TSC22D1: variants seen among roughly 807,000 people sequenced by gnomAD.
TSC22D1 encodes TSC22 domain family member 1.
Under a neutral mutation model 74.2 loss-of-function variants are expected in TSC22D1, and 9 were observed. The observed-to-expected ratio is 0.12, with a 90% CI of 0.07 to 0.21. TSC22D1 has a LOEUF of 0.21. TSC22D1 is among the 10% of genes least tolerant of loss of function. TSC22D1 has a pLI of 1.00. For synonymous variants in TSC22D1, 586 were observed against 492.5 expected (o/e 1.19, Z -2.51); for missense variants, 1,427 against 1,304.7 (o/e 1.09, Z -1.44).
At chr13:44,435,952 CA>C in intron 2 of TSC22D1, 91 bp downstream of exon 2, 1 of 1,262,920 alleles carries the variant, frequency 7.9e-7, no homozygotes, top group South Asian at 1.3e-5. Flanking sequence ...CAATCATCAT[CA>C]TCTGAACTTA....
chr13:44,545,753 G>A (rs1881784375), intron 1 of TSC22D1, among the ~76,000 whole-genome samples: 1 of 152,034 alleles, frequency 6.6e-6, no homozygotes, highest in Admixed American at 6.6e-5. Context: ...AAGGCGGGTG[G>A]ATCACTTGAG....
chr13:44,573,688 A>C lies in TSC22D1; in HGVS notation c.2387T>G (p.Leu796Trp). ...TTGTGGCTGGGGAGGCACAGTTAAC[A>C]AGGAACTTTGGGATGCAATAACCAA... The part of the protein sequence containing the change: ...QQLVIASQSS[L>W]LTVPPQPQGV... Residue 796 changes from leucine (L) to tryptophan (W), a missense_variant, in exon 1 of 3, where the codon TTG (leucine) becomes TGG (tryptophan). Physicochemically the swap from Leu to Trp is moderately conservative, Grantham distance 61. This residue lies in a region of TSC22D1 where 1,343 missense variants were observed against 1,191.5 expected (regional missense o/e 1.13). Coordinates refer to ENST00000458659, the MANE Select transcript of TSC22D1 (RefSeq NM_183422.4). 1.2e-6 allele frequency: 2 copies of C among 1,614,226 alleles called. No homozygotes were observed. The highest frequency in any genetic ancestry group is 1.7e-6 in the Non-Finnish European group (2 of 1,180,044).
chr13:44,561,053 C>T (rs747619841), intron 1 of TSC22D1, among the ~76,000 whole-genome samples: 130 of 152,164 alleles, frequency 8.5e-4, no homozygotes, highest in Middle Eastern at 3.4e-3. Context: ...CAAAAATACC[C>T]CCCGGGGCGT....
chr13:44,491,553 C>CAAA (rs1166772028), intron 1 of TSC22D1, among the ~76,000 whole-genome samples: 1 of 56,062 alleles, frequency 1.8e-5, no homozygotes, highest in South Asian at 6.1e-4. Flanking sequence ...GACTCCGTCT[C>CAAA]AAAAAAAAAA....
Position 44,521,472 on chromosome 13 carries a change from C to A in TSC22D1, c.2912+51691G>T, listed in dbSNP as rs190722937. The stretch of plus-strand genomic sequence containing the variant: ...GACTCCTCCCCTTCATCTCTCTTAC[C>A]CTTGCCCCCTCCACCCGGTCTTGAT... On this transcript the variant is annotated intron_variant, in intron 1 of 2. Coordinates refer to ENST00000458659, the MANE Select transcript of TSC22D1 (RefSeq NM_183422.4). Among the ~76,000 whole-genome samples the A allele has an allele frequency of 1.1e-4, 17 of 152,004 alleles. No individual in the cohort carries two copies. In the East Asian group the frequency reaches 3.3e-3, roughly 29 times the overall value.
intron 1 of TSC22D1, among the ~76,000 whole-genome samples, chr13:44,513,441 A>C (rs953565588): frequency 6.6e-6 from 1 of 152,204 alleles, no homozygotes; most frequent in Non-Finnish European, 1.5e-5. Flanking sequence ...GGTTTTTGTC[A>C]TGTATTTTCA....
chr13:44,433,844 G>C lies in TSC22D1; in HGVS notation c.*782C>G, dbSNP rs1440845572. On this transcript the variant is annotated 3_prime_UTR_variant, in exon 3 of 3. Transcript: ENST00000458659. ...TAGGTGTGGTTTTTGTCATGTAGCAGTTTTTATGTAGATCTATATATAAAA... is the reference window on the plus strand; with the variant it reads ...TAGGTGTGGTTTTTGTCATGTAGCACTTTTTATGTAGATCTATATATAAAA... 3.9e-6 allele frequency: 3 copies of C among 777,758 alleles called. No individual in the cohort carries two copies. Among genetic ancestry groups the C allele is most frequent in the African/African-American group, 3.7e-5 (2 of 54,200 alleles). 48.2% of individuals were successfully genotyped at this position (777,758 alleles called of 1,614,324 possible).
At chr13:44,465,652 C>T (rs1273570880) in intron 1 of TSC22D1, among the ~76,000 whole-genome samples, 1 of 152,140 alleles carries the variant, frequency 6.6e-6, no homozygotes, top group Admixed American at 6.5e-5. Flanking sequence ...ACAAAGCCCA[C>T]GACTGATATT....
Position 44,574,328 on chromosome 13 carries a change from T to C in TSC22D1, c.1747A>G (p.Asn583Asp), listed in dbSNP as rs1884027241. The change falls in exon 1 of 3, where the codon AAT (asparagine) becomes GAT (aspartate). Residue 583 changes from asparagine to aspartate, a missense_variant. Around this residue, in one of 3 missense-constraint regions of TSC22D1, gnomAD observed 1,343 missense variants for 1,191.5 expected, o/e 1.13. Transcript: ENST00000458659. ...AATGIQPSPV[N>D]VVGVTSALGQ... ...AAAGCTGAAGTTACACCAACCACAT[T>C]TACAGGCGATGGCTGGATACCAGTT... The C allele has an allele frequency of 1.2e-5, 19 of 1,614,238 alleles. 1 individual carries two copies. The East Asian group carries it at 4.2e-4, about 36-fold the overall frequency.
intron 1 of TSC22D1, chr13:44,538,700 A>T: frequency 1.0e-6 from 1 of 985,404 alleles, no homozygotes; most frequent in South Asian, 4.7e-5. Flanking sequence ...GTAATTCTTA[A>T]AAGTTTATAA....
At chr13:44,453,835 T>C (rs1263692030) in intron 1 of TSC22D1, among the ~76,000 whole-genome samples, 1 of 152,220 alleles carries the variant, frequency 6.6e-6, no homozygotes, top group African/African-American at 2.4e-5. Context: ...ATGTTTCTAA[T>C]AAGAAATGCT....
intron 1 of TSC22D1, among the ~76,000 whole-genome samples, chr13:44,551,389 GGTGTGTGTGT>G (rs376368576): frequency 8.8e-4 from 110 of 125,306 alleles, no homozygotes; most frequent in East Asian, 2.6e-3. Flanking sequence ...CAATCAGATG[GGTGTGTGTGT>G]GTGTGTGTGT....
At position 44,574,683 on chromosome 13, in the gene TSC22D1, G is replaced by T; in HGVS notation, c.1392C>A (p.Ser464Arg). 6.2e-7 allele frequency: 1 copy of T among 1,614,078 alleles called. No individual in the cohort carries two copies. The highest frequency in any genetic ancestry group is 1.1e-5 in the South Asian group (1 of 91,080). Residue 464 changes from serine to arginine, a missense_variant, in exon 1 of 3, where the codon AGC (serine) becomes AGA (arginine). Physicochemically the swap from Ser to Arg is moderately radical, Grantham distance 110. Around this residue, in one of 3 missense-constraint regions of TSC22D1, gnomAD observed 1,343 missense variants for 1,191.5 expected, o/e 1.13. Coordinates refer to ENST00000458659, the MANE Select transcript of TSC22D1 (RefSeq NM_183422.4). ...TACTGCTCACTGAACTCCCACTAGT[G>T]CTCTCCCTTTCAGAAGTCACTTCTA... ...NPIEVTSERE[S>R]TSGSSVSSSV...
intron 1 of TSC22D1, chr13:44,538,157 T>C (rs1202678262): frequency 1.0e-6 from 1 of 985,184 alleles, no homozygotes; most frequent in South Asian, 4.7e-5. Flanking sequence ...TTTGTGACAG[T>C]ACCAAACTTT....
rs568051833 is a variant in TSC22D1, at chr13:44,455,939, C to T, written c.2913-19844G>A. On this transcript the variant is annotated intron_variant, in intron 1 of 2. Transcript: ENST00000458659. ...TCATCAAGTTGAAACCTGAGCAAGC[C>T]GTAAAGAAAGTCCAAAGACCATTGA... Among the ~76,000 whole-genome samples the T allele has an allele frequency of 3.3e-5, 5 of 149,678 alleles. No homozygotes were observed. In the East Asian group the frequency reaches 5.8e-4, roughly 17 times the overall value.
chr13:44,435,045 G>C, intron 2 of TSC22D1, 162 bp from the exon 3 acceptor site: 1 of 644,156 alleles, frequency 1.6e-6, no homozygotes, highest in East Asian at 2.6e-5. Context: ...AAACATGACT[G>C]TACAATACTT....
intron 1 of TSC22D1, among the ~76,000 whole-genome samples, chr13:44,503,415 T>C (rs1169833520): frequency 6.6e-6 from 1 of 152,080 alleles, no homozygotes; most frequent in Non-Finnish European, 1.5e-5. Context: ...AATCTACACA[T>C]TGAGACTAAA....
chr13:44,469,601 G>C (rs1877483116), intron 1 of TSC22D1, among the ~76,000 whole-genome samples: 1 of 152,168 alleles, frequency 6.6e-6, no homozygotes, highest in African/African-American at 2.4e-5. Flanking sequence ...GGAGGGTGTA[G>C]ACTGTGTTTT....
Position 44,576,154 on chromosome 13 carries a change from A to G in TSC22D1, c.-80T>C. Reference sequence around the variant, plus strand: ...AATCTTTGTATTGGAGACGCCGGAGAGGAAAACGGGACCTGACGCTCCGCC... The same window carrying G: ...AATCTTTGTATTGGAGACGCCGGAGGGGAAAACGGGACCTGACGCTCCGCC... On this transcript the variant is annotated 5_prime_UTR_variant, in exon 1 of 3. Coordinates refer to ENST00000458659, the MANE Select transcript of TSC22D1 (RefSeq NM_183422.4). 1 of 1,396,916 alleles carries G rather than the reference A, an allele frequency of 7.2e-7. No homozygotes were observed. The highest frequency in any genetic ancestry group is 9.3e-7 in the Non-Finnish European group (1 of 1,077,982). 86.5% of individuals were successfully genotyped at this position (1,396,916 alleles called of 1,614,324 possible).
Sources: gnomAD v4.1 joint callset for allele counts (sites outside exome capture counted in the v4.1 genomes callset) on GRCh38, gnomAD v4.1.1 for gene constraint, gnomAD v4.1.1 regional missense constraint, MANE v1.5 for transcripts, NCBI Gene and HGNC (gene_info 2026-07-23, HGNC 2026-07-21) for gene names.